RPS6KA3: variants seen among roughly 807,000 people sequenced by gnomAD.
RPS6KA3 encodes the protein ribosomal protein S6 kinase alpha-3.
Under a neutral mutation model 67.2 loss-of-function variants are expected in RPS6KA3, and 4 were observed. The ratio of observed to expected loss-of-function variants is 0.06; its 90% confidence interval spans 0.03 to 0.14. RPS6KA3 has a LOEUF of 0.14. Ranked by LOEUF, RPS6KA3 falls within the 10% of genes least tolerant of loss-of-function variation. The pLI is 1.00. For missense variants in RPS6KA3, 204 were observed against 559.0 expected (o/e 0.36, Z 6.40); for synonymous variants, 182 against 183.7 (o/e 0.99, Z 0.07).
At chrX:20,228,927 A>T (rs1348480345) in intron 2 of RPS6KA3, among the ~76,000 whole-genome samples, 1 of 111,558 alleles carries the variant, frequency 9.0e-6, no homozygotes. Flanking sequence ...AAACAACTTT[A>T]TTTTGCCATT....
chrX:20,221,322 T>C (rs145310790), intron 2 of RPS6KA3, among the ~76,000 whole-genome samples: 1,208 of 112,190 alleles, frequency 0.011, 19 homozygotes, highest in African/African-American at 0.037. Flanking sequence ...TTTATCTCAC[T>C]AAAGTTTTGT....
In RPS6KA3 at chrX:20,155,110, AT is replaced by A; in HGVS notation, c.*287del. On this transcript the variant is annotated 3_prime_UTR_variant, in exon 22 of 22. Transcript: ENST00000379565. ...CTATATGGTGTACTTTATTCAGTGTATTTTTAGGTGGTATTCATATGTTCAT... is the reference window on the plus strand; with the variant it reads ...CTATATGGTGTACTTTATTCAGTGTATTTTAGGTGGTATTCATATGTTCAT... The A allele has an allele frequency of 3.0e-6, 1 of 335,643 alleles. No individual in the cohort carries two copies. The highest frequency in any genetic ancestry group is 3.6e-5 in the South Asian group (1 of 27,663). 27.7% of individuals were successfully genotyped at this position (335,643 alleles called of 1,213,427 possible). A position where few individuals can be genotyped will look rare whatever the true frequency, so the allele number is the denominator to read the frequency against.
chrX:20,243,485 C>T (rs1346927174), intron 1 of RPS6KA3, among the ~76,000 whole-genome samples: 1 of 111,280 alleles, frequency 9.0e-6, no homozygotes, highest in Non-Finnish European at 1.9e-5. Flanking sequence ...AAAACCCCTA[C>T]TCTTTTGTTT....
intron 2 of RPS6KA3, among the ~76,000 whole-genome samples, chrX:20,210,146 A>G (rs1019983563): frequency 1.8e-5 from 2 of 112,241 alleles, no homozygotes. Flanking sequence ...ACATTTTAAT[A>G]TATTTGAGGA....
chrX:20,178,828 T>C (rs960143339), intron 10 of RPS6KA3, among the ~76,000 whole-genome samples: 1 of 109,725 alleles, frequency 9.1e-6, no homozygotes, highest in African/African-American at 3.3e-5. Flanking sequence ...TAATATCTTG[T>C]AGAATTAATA....
chrX:20,251,453 G>A (rs768499274), intron 1 of RPS6KA3, among the ~76,000 whole-genome samples: 7 of 112,655 alleles, frequency 6.2e-5, no homozygotes, highest in Admixed American at 1.9e-4. Context: ...GATTACAGGC[G>A]TAAGTCTCCC....
intron 1 of RPS6KA3, among the ~76,000 whole-genome samples, chrX:20,248,188 T>C (rs1262373364): frequency 3.6e-5 from 4 of 112,542 alleles, no homozygotes; most frequent in African/African-American, 1.3e-4. Flanking sequence ...TGGATTTTCT[T>C]AGGTTATCTA....
At position 20,176,440 on chromosome X, in the gene RPS6KA3, G is replaced by A; in HGVS notation, c.993C>T (p.Asp331=). ...GTTTTCATTCTATACTTACATTCCA[G>A]TCTATCGTTGAGAAAAATGAATGTC... ...IKRHSFFSTI[D]WNKLYRREIH... is the part of the protein sequence containing the mutation. Residue 331 remains aspartate, a synonymous_variant, in exon 12 of 22, where the codon GAC becomes GAT. Transcript: ENST00000379565. 1 of 1,180,894 alleles carries A rather than the reference G, an allele frequency of 8.5e-7. No homozygotes were observed.
intron 2 of RPS6KA3, among the ~76,000 whole-genome samples, chrX:20,233,284 A>T (rs180834359): frequency 1.3e-4 from 15 of 112,239 alleles, no homozygotes; most frequent in African/African-American, 4.5e-4. Flanking sequence ...AGGAAATTTG[A>T]CAAATGTCTA....
chrX:20,214,748 C>T (rs1463163716), intron 2 of RPS6KA3, among the ~76,000 whole-genome samples: 2 of 111,084 alleles, frequency 1.8e-5, no homozygotes, highest in African/African-American at 6.6e-5. Flanking sequence ...CTTTTTGTGA[C>T]TCTTCTACTA....
At chrX:20,238,288 T>C (rs2069467383) in intron 1 of RPS6KA3, among the ~76,000 whole-genome samples, 1 of 111,617 alleles carries the variant, frequency 9.0e-6, no homozygotes, top group Admixed American at 9.5e-5. Context: ...AAACTTATGT[T>C]AATGCAGTTC....
chrX:20,195,022 G>A (rs2068236445), intron 5 of RPS6KA3, 43 bp downstream of exon 5: 2 of 803,316 alleles, frequency 2.5e-6, no homozygotes, highest in African/African-American at 2.0e-5. Flanking sequence ...GGGATTTTGA[G>A]GGATGAGGTC....
chrX:20,195,112 T>C lies in RPS6KA3; in HGVS notation c.359A>G (p.Asp120Gly), dbSNP rs2148703570. The C allele has an allele frequency of 8.3e-7, 1 of 1,199,682 alleles. No homozygotes were observed. Residue 120 changes from aspartate to glycine, a missense_variant, in exon 5 of 22, where the codon GAT (aspartate) becomes GGT (glycine). Coordinates refer to ENST00000379565, the MANE Select transcript of RPS6KA3 (RefSeq NM_004586.3). ...RDRVRTKMER[D>G]ILVEVNHPFI... is the part of the protein sequence containing the mutation. ...AGGATGATTAACCTCTACCAAGATA[T>C]CACGTTCCATTTTTGTCCGAACTCG... is the stretch of plus-strand genomic sequence containing the variant.
Position 20,176,362 on chromosome X carries a change from A to G in RPS6KA3, c.1000-10T>C, listed in dbSNP as rs763725176. On this transcript the variant is annotated splice_polypyrimidine_tract_variant and intron_variant, in intron 12 of 21. Transcript: ENST00000379565. Reference sequence around the variant, plus strand: ...CTCTTCTATACAGTTTCTGGAGGGGAAAAAAAAAAGAGACTTAGACATATT... The same window carrying G: ...CTCTTCTATACAGTTTCTGGAGGGGGAAAAAAAAAGAGACTTAGACATATT... The G allele has an allele frequency of 2.9e-5, 26 of 896,254 alleles. No homozygotes were observed. The highest frequency in any genetic ancestry group is 6.3e-5 in the African/African-American group (3 of 47,956). 73.9% of individuals were successfully genotyped at this position (896,254 alleles called of 1,213,427 possible).
intron 1 of RPS6KA3, among the ~76,000 whole-genome samples, chrX:20,257,433 T>C (rs1186670153): frequency 8.9e-6 from 1 of 112,303 alleles, no homozygotes; most frequent in African/African-American, 3.2e-5. Flanking sequence ...AAGAGTTGTA[T>C]TGATATGATG....
chrX:20,187,770 G>C, intron 9 of RPS6KA3, 58 bp downstream of exon 9: 2 of 991,112 alleles, frequency 2.0e-6, no homozygotes, highest in Non-Finnish European at 2.9e-6. Context: ...AACATTCACT[G>C]CTGATCCTCA....
rs894076036 is a variant in RPS6KA3 at position 20,266,904 on chromosome X, C to G, written c.-272G>C. ...CTCCGCTGGGCACCGGGTCTCGCCC[C>G]TTTCTTCCTCTCCTCCTTCCGCCGC... is the stretch of plus-strand genomic sequence containing the variant. On this transcript the variant is annotated 5_prime_UTR_variant, in exon 1 of 22. Coordinates refer to ENST00000379565, the MANE Select transcript of RPS6KA3 (RefSeq NM_004586.3). 3 of 612,156 alleles carry G rather than the reference C, an allele frequency of 4.9e-6. No homozygotes were observed. The Admixed American group carries it at 2.6e-4, about 54-fold the overall frequency. The allele number at this position is 612,156 out of a possible 1,213,427, so 50.4% of individuals were successfully genotyped here.
intron 2 of RPS6KA3, among the ~76,000 whole-genome samples, chrX:20,229,883 G>A (rs2069217439): frequency 8.9e-6 from 1 of 111,994 alleles, no homozygotes; most frequent in African/African-American, 3.2e-5. Context: ...TCTCTAGAAT[G>A]CAGGTTCTTG....
Position 20,245,481 on chromosome X carries a change from T to G in RPS6KA3, c.70-10667A>C, listed in dbSNP as rs1433993020. Among the ~76,000 whole-genome samples the G allele has an allele frequency of 3.6e-5, 4 of 111,897 alleles. No homozygotes were observed. In the South Asian group the frequency reaches 1.5e-3, roughly 41 times the overall value. ...AATGTTGTCAAATAAAAGAAAAAAA[T>G]ACAATATTGGTTTTTGTGCAGATTA... is the stretch of plus-strand genomic sequence containing the variant. On this transcript the variant is annotated intron_variant, in intron 1 of 21. Transcript: ENST00000379565.
Sources: allele counts gnomAD v4.1 joint callset (sites outside exome capture counted in the v4.1 genomes callset), GRCh38; gene constraint gnomAD v4.1.1; transcripts MANE v1.5; gene names NCBI Gene and HGNC (gene_info 2026-07-23, HGNC 2026-07-21).